GRIK2: variants seen among roughly 807,000 people sequenced by gnomAD.
The protein encoded by GRIK2 is glutamate ionotropic receptor kainate type subunit 2, also known as glutamate receptor ionotropic, kainate 2.
In GRIK2, 32 loss-of-function variants were observed where a neutral mutation model predicts 100.3. The ratio of observed to expected loss-of-function variants is 0.32; its 90% confidence interval spans 0.24 to 0.43. The LOEUF is 0.43. Among genes scored for constraint, GRIK2 ranks in the 20% least tolerant of loss-of-function variants. GRIK2 has a pLI of 1.00. For missense variants in GRIK2, 843 were observed against 1,114.9 expected (o/e 0.76, Z 3.47); for synonymous variants, 417 against 389.4 (o/e 1.07, Z -0.83).
chr6:101,904,201 A>C (rs1404091743), intron 12 of GRIK2, among the ~76,000 whole-genome samples: 1 of 151,482 alleles, frequency 6.6e-6, no homozygotes, highest in Non-Finnish European at 1.5e-5. Context: ...ACACATTCTA[A>C]ATTGATTAAA....
intron 14 of GRIK2, among the ~76,000 whole-genome samples, chr6:101,991,472 G>C (rs1794374406): frequency 6.6e-6 from 1 of 150,404 alleles, no homozygotes; most frequent in Non-Finnish European, 1.5e-5. Context: ...CAAATAAATA[G>C]AAGTGTTTGT....
At chr6:101,868,806 AATAAG>A (rs570090249) in intron 11 of GRIK2, among the ~76,000 whole-genome samples, 102 of 152,030 alleles carry the variant, frequency 6.7e-4, no homozygotes, top group Non-Finnish European at 1.3e-3. Context: ...AAATTGCTCA[AATAAG>A]ATATTCTTCA....
intron 9 of GRIK2, among the ~76,000 whole-genome samples, chr6:101,805,969 G>T (rs1780979347): frequency 1.3e-5 from 2 of 151,934 alleles, no homozygotes; most frequent in South Asian, 4.1e-4. Context: ...CTACTTAGAT[G>T]GTGTCCATAG....
intron 14 of GRIK2, among the ~76,000 whole-genome samples, chr6:101,947,985 G>A (rs1311114497): frequency 3.3e-5 from 5 of 152,072 alleles, no homozygotes; most frequent in Non-Finnish European, 5.9e-5. Flanking sequence ...CTGTGTGAAC[G>A]TTTACCAAAA....
intron 14 of GRIK2, among the ~76,000 whole-genome samples, chr6:102,018,944 G>C (rs62423086): frequency 7.2e-6 from 1 of 138,342 alleles, no homozygotes; most frequent in East Asian, 2.3e-4. Flanking sequence ...ATTTTCTTTT[G>C]TTTAAAATAA....
At chr6:101,921,389 T>C (rs1241706334) in intron 12 of GRIK2, among the ~76,000 whole-genome samples, 1 of 152,092 alleles carries the variant, frequency 6.6e-6, no homozygotes, top group Admixed American at 6.6e-5. Flanking sequence ...ATTTAATATA[T>C]ATATTTGGGG....
chr6:101,664,831 A>G (rs1195684622), intron 4 of GRIK2, among the ~76,000 whole-genome samples: 1 of 152,166 alleles, frequency 6.6e-6, no homozygotes, highest in Non-Finnish European at 1.5e-5. Flanking sequence ...GCAAAGGCAC[A>G]TCTTACATGG....
chr6:102,050,663 A>AC (rs1427984214), intron 15 of GRIK2, among the ~76,000 whole-genome samples: 2 of 151,518 alleles, frequency 1.3e-5, no homozygotes, highest in Non-Finnish European at 2.9e-5. Flanking sequence ...AAAAAAAAAA[A>AC]AAAACGGAAT....
At chr6:101,866,819 A>T (rs2128446415) in intron 11 of GRIK2, among the ~76,000 whole-genome samples, 1 of 151,082 alleles carries the variant, frequency 6.6e-6, no homozygotes, top group Non-Finnish European at 1.5e-5. Context: ...CCTTCTTATT[A>T]ACATATAGTA....
intron 2 of GRIK2, among the ~76,000 whole-genome samples, chr6:101,491,738 T>C (rs1469405921): frequency 6.6e-6 from 1 of 151,982 alleles, no homozygotes; most frequent in African/African-American, 2.4e-5. Flanking sequence ...TACTATTATC[T>C]TTATCACAAC....
intron 7 of GRIK2, among the ~76,000 whole-genome samples, chr6:101,719,966 A>C (rs1774360428): frequency 6.6e-6 from 1 of 152,050 alleles, no homozygotes; most frequent in Non-Finnish European, 1.5e-5. Context: ...AGAAAGAGAA[A>C]AGGAGAGAAA....
chr6:101,869,526 A>G (rs1319365850), intron 11 of GRIK2, among the ~76,000 whole-genome samples: 3 of 151,766 alleles, frequency 2.0e-5, no homozygotes, highest in Admixed American at 2.0e-4. Flanking sequence ...TTTATTTTTT[A>G]CGTATTTTAT....
intron 14 of GRIK2, among the ~76,000 whole-genome samples, chr6:101,984,656 C>CACACACACAT (rs1582667125): frequency 1.6e-5 from 2 of 127,344 alleles, no homozygotes; most frequent in African/African-American, 5.3e-5. Context: ...CACACACACA[C>CACACACACAT]CCTTCAACTT....
intron 14 of GRIK2, among the ~76,000 whole-genome samples, chr6:102,013,889 CT>C (rs57855868): frequency 0.66 from 99,398 of 151,638 alleles, 34,733 homozygotes; most frequent in African/African-American, 0.92. Flanking sequence ...CTAAAGTTTT[CT>C]TTTTTTTGTT....
chr6:101,999,399 C>A (rs1794816400), intron 14 of GRIK2, among the ~76,000 whole-genome samples: 1 of 151,958 alleles, frequency 6.6e-6, no homozygotes, highest in Admixed American at 6.6e-5. Context: ...TGTTTAATTT[C>A]TCTTAGTAAT....
At chr6:101,570,590 T>C (rs1433012597) in intron 2 of GRIK2, among the ~76,000 whole-genome samples, 2 of 152,086 alleles carry the variant, frequency 1.3e-5, no homozygotes, top group African/African-American at 2.4e-5. Context: ...TAAATGGCAG[T>C]TCACCTAAGA....
chr6:102,058,898 T>C (rs1399567833), intron 16 of GRIK2, among the ~76,000 whole-genome samples: 1 of 151,462 alleles, frequency 6.6e-6, no homozygotes, highest in East Asian at 1.9e-4. Context: ...ATATGAAGTT[T>C]AGCTGAATGT....
In GRIK2 at chr6:101,710,117, A is replaced by G. The variant is rs145831219; in HGVS notation, c.951+23764A>G. Among the ~76,000 whole-genome samples the G allele has an allele frequency of 8.7e-3, 1,325 of 152,030 alleles. 15 individuals carry two copies. Among genetic ancestry groups the G allele is most frequent in the Non-Finnish European group, 0.014 (940 of 67,882 alleles). On this transcript the variant is annotated intron_variant, in intron 7 of 16. Transcript: ENST00000369134. ...TTGGTCTTAGGTTGATTTGATCAGAATTACATTTACTATGTTTTAAGTACA... is the reference window on the plus strand; with the variant it reads ...TTGGTCTTAGGTTGATTTGATCAGAGTTACATTTACTATGTTTTAAGTACA...
Position 101,775,649 on chromosome 6 carries a change from C to A in GRIK2, c.952-23999C>A, listed in dbSNP as rs535764637. Among the ~76,000 whole-genome samples the A allele has an allele frequency of 4.0e-5, 6 of 151,540 alleles. No homozygotes were observed. The East Asian group carries it at 1.2e-3, about 30-fold the overall frequency. On this transcript the variant is annotated intron_variant, in intron 7 of 16. Coordinates refer to ENST00000369134, the MANE Select transcript of GRIK2 (RefSeq NM_021956.5). ...ACAGAGGCTGTACTCACATTCCCCG[C>A]CCCGGTCTGAGCTGCTGACAGATTT...
Sources: allele counts gnomAD v4.1 joint callset (sites outside exome capture counted in the v4.1 genomes callset), GRCh38; gene constraint gnomAD v4.1.1; transcripts MANE v1.5; gene names NCBI Gene and HGNC (gene_info 2026-07-23, HGNC 2026-07-21).